PRIMA1: variants seen among roughly 807,000 people sequenced by gnomAD.
PRIMA1 encodes the protein proline rich membrane anchor 1.
Under a neutral mutation model 17.5 loss-of-function variants are expected in PRIMA1, and 7 were observed. That is an observed-to-expected ratio of 0.40 (90% CI 0.23 to 0.75). The LOEUF is 0.75. Ranked by LOEUF, PRIMA1 falls within the 30% of genes least tolerant of loss-of-function variation. The probability of loss-of-function intolerance (pLI) is 0.37; values close to 1 mark genes in which losing one functional copy is unlikely to be tolerated. For synonymous variants in PRIMA1, 97 were observed against 77.9 expected (o/e 1.25, Z -1.29); for missense variants, 200 against 201.8 (o/e 0.99, Z 0.05).
intron 2 of PRIMA1, among the ~76,000 whole-genome samples, chr14:93,785,925 C>G (rs1215293727): frequency 6.6e-6 from 1 of 152,012 alleles, no homozygotes; most frequent in Non-Finnish European, 1.5e-5. Context: ...CACACCCCTG[C>G]TTGTGTAAGT....
At chr14:93,777,321 C>T (rs750177742) in intron 3 of PRIMA1, among the ~76,000 whole-genome samples, 2 of 149,180 alleles carry the variant, frequency 1.3e-5, no homozygotes, top group Non-Finnish European at 3.0e-5. Flanking sequence ...ACCTGATTAG[C>T]AACCTGGAAC....
At chr14:93,732,648 G>A (rs912569268) in intron 4 of PRIMA1, among the ~76,000 whole-genome samples, 1 of 152,240 alleles carries the variant, frequency 6.6e-6, no homozygotes, top group Non-Finnish European at 1.5e-5. Context: ...CAGCCCTGGC[G>A]GGCACAGTGA....
intron 3 of PRIMA1, among the ~76,000 whole-genome samples, chr14:93,758,751 T>C (rs2076308279): frequency 6.6e-6 from 1 of 152,158 alleles, no homozygotes; most frequent in Admixed American, 6.5e-5. Flanking sequence ...CTGGATCAAC[T>C]CAATGTGCCA....
At position 93,768,110 on chromosome 14, in the gene PRIMA1, A is replaced by G. The variant is rs779744092; in HGVS notation, c.229+11066T>C. Among the ~76,000 whole-genome samples, 9 of 151,518 alleles carry G rather than the reference A, an allele frequency of 5.9e-5. No homozygotes were observed. The South Asian group carries it at 6.3e-4, about 11-fold the overall frequency. Reference sequence around the variant, plus strand: ...CTCAACAACAAAAAAATCTCTTTTTAAAAAAAAAGCACCCAGGAAGCATAT... The same window carrying G: ...CTCAACAACAAAAAAATCTCTTTTTGAAAAAAAAGCACCCAGGAAGCATAT... On this transcript the variant is annotated intron_variant, in intron 3 of 4. Transcript: ENST00000393140.
intron 3 of PRIMA1, among the ~76,000 whole-genome samples, chr14:93,770,220 TC>T (rs918979023): frequency 6.6e-6 from 1 of 151,872 alleles, no homozygotes; most frequent in African/African-American, 2.4e-5. Context: ...CTCACTGGGC[TC>T]CCAGCCTCCA....
chr14:93,742,904 A>G (rs1373800170), intron 3 of PRIMA1, among the ~76,000 whole-genome samples: 1 of 152,200 alleles, frequency 6.6e-6, no homozygotes, highest in Non-Finnish European at 1.5e-5. Flanking sequence ...CTCAGTACAT[A>G]CTAATGTATG....
intron 3 of PRIMA1, among the ~76,000 whole-genome samples, chr14:93,745,440 A>G (rs2076211205): frequency 6.6e-6 from 1 of 151,942 alleles, no homozygotes; most frequent in African/African-American, 2.4e-5. Context: ...TCTGCCCTCA[A>G]CCTCTTCTCA....
In PRIMA1 at chr14:93,784,834, T is replaced by C. The variant is rs1885476620; in HGVS notation, c.93+2792A>G. On this transcript the variant is annotated intron_variant, in intron 2 of 4. Coordinates refer to ENST00000393140, the MANE Select transcript of PRIMA1 (RefSeq NM_178013.4). ...AATTACTTGTTTAATTAGCTCTACA[T>C]TGCCAAACTATCAGTGCCACGAGGG... Among the ~76,000 whole-genome samples the C allele has an allele frequency of 2.0e-5, 3 of 152,308 alleles. No individual in the cohort carries two copies. The South Asian group carries it at 6.2e-4, about 32-fold the overall frequency.
intron 3 of PRIMA1, among the ~76,000 whole-genome samples, chr14:93,739,423 C>T (rs1050245224): frequency 6.6e-6 from 1 of 152,180 alleles, no homozygotes; most frequent in East Asian, 1.9e-4. Flanking sequence ...TTGAATAGAA[C>T]TGCTATAAGC....
rs373234087 is a variant in PRIMA1, at chr14:93,721,408, G to A, written c.*36C>T. 22 of 1,388,206 alleles carry A rather than the reference G, an allele frequency of 1.6e-5. No individual in the cohort carries two copies. In the African/African-American group the frequency reaches 1.7e-4, roughly 11 times the overall value. 86.0% of individuals were successfully genotyped at this position (1,388,206 alleles called of 1,614,324 possible). Reference sequence around the variant, plus strand: ...TCCCATGTCCACCAGTGCCACCAAGGTGTCCCTCTGGCCAGCGGGTCCAGG... The same window carrying A: ...TCCCATGTCCACCAGTGCCACCAAGATGTCCCTCTGGCCAGCGGGTCCAGG... On this transcript the variant is annotated 3_prime_UTR_variant, in exon 5 of 5. Coordinates refer to ENST00000393140, the MANE Select transcript of PRIMA1 (RefSeq NM_178013.4).
chr14:93,731,149 G>A lies in PRIMA1; in HGVS notation c.359+6092C>T, dbSNP rs151025131. The stretch of plus-strand genomic sequence containing the variant: ...ACAATATGTTCTTTGTTACACTAAG[G>A]TAAGCACTGAATAGGCACAGAATCC... On this transcript the variant is annotated intron_variant, in intron 4 of 4. Transcript: ENST00000393140. 1.6e-3 allele frequency among the ~76,000 whole-genome samples: 249 copies of A among 152,332 alleles called. 8 individuals are homozygous for A. The South Asian group carries it at 0.048, about 29-fold the overall frequency.
At chr14:93,757,567 T>A (rs1450531827) in intron 3 of PRIMA1, among the ~76,000 whole-genome samples, 1 of 151,864 alleles carries the variant, frequency 6.6e-6, no homozygotes, top group Non-Finnish European at 1.5e-5. Flanking sequence ...GGGTGGGGGC[T>A]GGAGGGAGGG....
intron 3 of PRIMA1, among the ~76,000 whole-genome samples, chr14:93,749,446 C>T (rs571465094): frequency 4.6e-5 from 7 of 152,276 alleles, no homozygotes; most frequent in Admixed American, 2.6e-4. Context: ...TTATAATCTA[C>T]TGGAAATTGG....
chr14:93,747,867 G>T (rs1000464025), intron 3 of PRIMA1, among the ~76,000 whole-genome samples: 12 of 146,816 alleles, frequency 8.2e-5, no homozygotes, highest in Non-Finnish European at 1.5e-4. Flanking sequence ...GTGTGTGTGA[G>T]TGGGGACTGA....
intron 2 of PRIMA1, among the ~76,000 whole-genome samples, chr14:93,785,970 T>C (rs1463320543): frequency 1.3e-5 from 2 of 152,104 alleles, no homozygotes; most frequent in Non-Finnish European, 2.9e-5. Context: ...AAAACTGAAC[T>C]GCTTTCACAA....
At position 93,723,833 on chromosome 14, in the gene PRIMA1, C is replaced by T. The variant is rs1441102905; in HGVS notation, c.360-2287G>A. The stretch of plus-strand genomic sequence containing the variant: ...GACGCTCATCTGGTTTGTGGTGGGG[C>T]CTGGACCACCACCCACTAACACTGT... On this transcript the variant is annotated intron_variant, in intron 4 of 4. Coordinates refer to ENST00000393140, the MANE Select transcript of PRIMA1 (RefSeq NM_178013.4). Among the ~76,000 whole-genome samples, 3 of 152,266 alleles carry T rather than the reference C, an allele frequency of 2.0e-5. No homozygotes were observed. In the East Asian group the frequency reaches 5.8e-4, roughly 29 times the overall value.
chr14:93,733,491 G>A (rs114063696), intron 4 of PRIMA1, among the ~76,000 whole-genome samples: 1,922 of 152,026 alleles, frequency 0.013, 30 homozygotes, highest in African/African-American at 0.044. Flanking sequence ...CGTCCCTGCC[G>A]AGGCCCGTGT....
At chr14:93,752,133 G>A (rs1486693564) in intron 3 of PRIMA1, among the ~76,000 whole-genome samples, 1 of 152,168 alleles carries the variant, frequency 6.6e-6, no homozygotes, top group Non-Finnish European at 1.5e-5. Context: ...AGCAAATGGA[G>A]ACAGCCACCC....
rs1226865224 is a variant in PRIMA1 at position 93,778,685 on chromosome 14, G to GA, written c.229+490dup. ...CGGCGCAATCAAATTGTTCAGAGAT[G>GA]AAATCGTCCAAGGCAAACAAGTCAC... is the stretch of plus-strand genomic sequence containing the variant. On this transcript the variant is annotated intron_variant, in intron 3 of 4. Coordinates refer to ENST00000393140, the MANE Select transcript of PRIMA1 (RefSeq NM_178013.4). Among the ~76,000 whole-genome samples the GA allele has an allele frequency of 3.3e-5, 5 of 152,334 alleles. No homozygotes were observed. In the East Asian group the frequency reaches 9.6e-4, roughly 29 times the overall value.
Sources: allele counts gnomAD v4.1 joint callset (sites outside exome capture counted in the v4.1 genomes callset), GRCh38; gene constraint gnomAD v4.1.1; transcripts MANE v1.5; gene names NCBI Gene and HGNC (gene_info 2026-07-23, HGNC 2026-07-21).